Variants in ANK3 observed in about 807,000 individuals in gnomAD.
ANK3 encodes ankyrin-3.
In ANK3, 57 loss-of-function variants were observed where a neutral mutation model predicts 370.9. The ratio of observed to expected loss-of-function variants is 0.15; its 90% CI spans 0.12 to 0.19. ANK3 has a LOEUF of 0.19. ANK3 is among the 10% of genes least tolerant of loss of function. The pLI is 1.00. For synonymous variants in ANK3, 1,929 were observed against 1,946.3 expected (o/e 0.99, Z 0.23); for missense variants, 4,439 against 5,302.1 (o/e 0.84, Z 5.06).
chr10:60,086,919 C>CTTTTTTT, intron 29 of ANK3, 35 bp from the exon 30 acceptor site: 2 of 986,978 alleles, frequency 2.0e-6, no homozygotes, highest in African/African-American at 4.5e-5. Context: ...ATGAAAGTGA[C>CTTTTTTT]TTTTTTTTTT....
At chr10:60,064,117 A>C in intron 39 of ANK3, 40 bp downstream of exon 39, 1 of 1,515,884 alleles carries the variant, frequency 6.6e-7, no homozygotes, top group Non-Finnish European at 8.8e-7. Flanking sequence ...TATTACATTT[A>C]TGCAGTTTTG....
Position 60,607,434 on chromosome 10 carries a change from G to A in ANK3, c.96+7752C>T, listed in dbSNP as rs114605966. ...CTAATATAAAAAAAAAATTACTAAC[G>A]GAGGCTGAATCCAGCCCAGAATACC... On this transcript the variant is annotated intron_variant, in intron 2 of 43. Transcript: ENST00000373827. Among the ~76,000 whole-genome samples the A allele has an allele frequency of 4.0e-3, 602 of 152,170 alleles. 3 individuals carry two copies. Among genetic ancestry groups the A allele is most frequent in the African/African-American group, 0.013 (556 of 41,522 alleles).
At chr10:60,062,677 A>AATTTGTAT (rs2080827345) in intron 40 of ANK3, 1 of 152,434 alleles carries the variant, frequency 6.6e-6, no homozygotes, top group Admixed American at 6.5e-5. Flanking sequence ...TTTACCTTAC[A>AATTTGTAT]ATTTGTATAC....
intron 2 of ANK3, among the ~76,000 whole-genome samples, chr10:60,567,200 G>A (rs1457483425): frequency 3.9e-5 from 6 of 152,158 alleles, no homozygotes; most frequent in Admixed American, 2.0e-4. Context: ...TCCTACCTAG[G>A]ACTGTCACAA....
intron 8 of ANK3, among the ~76,000 whole-genome samples, chr10:60,225,513 C>A (rs917276962): frequency 2.0e-5 from 3 of 152,094 alleles, no homozygotes; most frequent in African/African-American, 7.2e-5. Flanking sequence ...TTCAGGATTG[C>A]CTCCCTTGGA....
At chr10:60,192,373 T>G (rs2096499993) in intron 16 of ANK3, among the ~76,000 whole-genome samples, 1 of 150,908 alleles carries the variant, frequency 6.6e-6, no homozygotes, top group Non-Finnish European at 1.5e-5. Flanking sequence ...ATTACTCAGC[T>G]ATAAAGTCTT....
At chr10:60,243,972 C>T (rs1019309365) in intron 7 of ANK3, among the ~76,000 whole-genome samples, 6 of 152,040 alleles carry the variant, frequency 3.9e-5, no homozygotes, top group African/African-American at 1.2e-4. Context: ...AAATGATAGA[C>T]ATATGTGGTA....
intron 1 of ANK3, among the ~76,000 whole-genome samples, chr10:60,698,141 A>C (rs2079489661): frequency 1.3e-5 from 2 of 152,044 alleles, no homozygotes; most frequent in East Asian, 1.9e-4. Flanking sequence ...GCCAAAAAAA[A>C]CATGAAAAAA....
chr10:60,207,829 A>T (rs917868745), intron 10 of ANK3, among the ~76,000 whole-genome samples: 1 of 152,216 alleles, frequency 6.6e-6, no homozygotes, highest in Non-Finnish European at 1.5e-5. Context: ...CCATAAAAAC[A>T]TTAACAGTTT....
At chr10:60,395,568 CTT>C (rs1555367105) in intron 2 of ANK3, among the ~76,000 whole-genome samples, 1 of 116,684 alleles carries the variant, frequency 8.6e-6, no homozygotes, top group South Asian at 2.9e-4. Flanking sequence ...TTCTTTCTTT[CTT>C]TCTTTCTTTC....
At chr10:60,089,336 T>C (rs1298766212) in intron 28 of ANK3, among the ~76,000 whole-genome samples, 1 of 152,198 alleles carries the variant, frequency 6.6e-6, no homozygotes. Flanking sequence ...CCAAGTCCAG[T>C]TGATTCTCTT....
chr10:60,527,444 C>T (rs1567120095), intron 2 of ANK3, among the ~76,000 whole-genome samples: 1 of 152,062 alleles, frequency 6.6e-6, no homozygotes, highest in Non-Finnish European at 1.5e-5. Flanking sequence ...GAAATACACA[C>T]CCACATGAGT....
At chr10:60,610,744 T>A (rs978023059) in intron 2 of ANK3, among the ~76,000 whole-genome samples, 2 of 152,184 alleles carry the variant, frequency 1.3e-5, no homozygotes, top group African/African-American at 2.4e-5. Context: ...TTCTTCCACC[T>A]TCAGGAAGAA....
chr10:60,059,674 T>A (rs1006896729), intron 40 of ANK3: 30 of 1,585,158 alleles, frequency 1.9e-5, no homozygotes, highest in Non-Finnish European at 2.4e-5. Context: ...CCAGCCAAAT[T>A]TCCAAGGTAT....
intron 2 of ANK3, among the ~76,000 whole-genome samples, chr10:60,550,767 A>G: frequency 6.6e-6 from 1 of 152,090 alleles, no homozygotes; most frequent in East Asian, 1.9e-4. Flanking sequence ...AGTCATTGCT[A>G]TAATGAAGTG....
intron 2 of ANK3, among the ~76,000 whole-genome samples, chr10:60,572,035 G>A (rs2077612188): frequency 6.6e-6 from 1 of 152,026 alleles, no homozygotes; most frequent in African/African-American, 2.4e-5. Flanking sequence ...TATAACTATA[G>A]GTTTCTCTAA....
At chr10:60,425,322 A>G (rs1328560023) in intron 2 of ANK3, among the ~76,000 whole-genome samples, 1 of 152,124 alleles carries the variant, frequency 6.6e-6, no homozygotes, top group Non-Finnish European at 1.5e-5. Flanking sequence ...CAACAAAAGA[A>G]CACAAAAGGA....
At chr10:60,150,248 C>T (rs966752859) in intron 23 of ANK3, among the ~76,000 whole-genome samples, 2 of 152,162 alleles carry the variant, frequency 1.3e-5, no homozygotes, top group African/African-American at 4.8e-5. Context: ...GTCCCCACTC[C>T]TGTGTGCTGA....
intron 1 of ANK3, among the ~76,000 whole-genome samples, chr10:60,371,251 A>G (rs1594674648): frequency 1.3e-5 from 2 of 152,110 alleles, no homozygotes; most frequent in African/African-American, 4.8e-5. Context: ...TGGCCAACAA[A>G]CATATGAAAA....
Sources: gnomAD v4.1 joint callset for allele counts (sites outside exome capture counted in the v4.1 genomes callset) on GRCh38, gnomAD v4.1.1 for gene constraint, MANE v1.5 for transcripts, NCBI Gene and HGNC (gene_info 2026-07-23, HGNC 2026-07-21) for gene names.